PDCL: variants seen among roughly 807,000 people sequenced by gnomAD.
PDCL encodes phosducin like, also known as phosducin-like protein.
In PDCL, 11 loss-of-function variants were observed where a neutral mutation model predicts 26.7. The ratio of observed to expected loss-of-function variants is 0.41; its 90% confidence interval spans 0.26 to 0.68. PDCL has a LOEUF of 0.68. Ranked by LOEUF, PDCL falls within the 30% of genes least tolerant of loss-of-function variation. The pLI, the probability that PDCL is intolerant of heterozygous loss-of-function variation, is 0.30. For missense variants in PDCL, 330 were observed against 371.6 expected (o/e 0.89, Z 0.92); for synonymous variants, 118 against 134.9 (o/e 0.87, Z 0.87).
At position 122,820,709 on chromosome 9, in the gene PDCL, C is replaced by T. The variant is rs1372404495; in HGVS notation, c.355-73G>A. On this transcript the variant is annotated intron_variant, in intron 3 of 3. Transcript: ENST00000259467. ...GTGATAACAGTTAATATGGGCCGGG[C>T]GCGGTGGCTCACGCCTGTAATCCTA... 22 of 1,302,574 alleles carry T rather than the reference C, an allele frequency of 1.7e-5. No homozygotes were observed. In the Middle Eastern group the frequency reaches 9.0e-4, roughly 53 times the overall value. The allele number at this position is 1,302,574 out of a possible 1,614,324, so 80.7% of individuals were successfully genotyped here.
rs776865328 is a variant in PDCL, at chr9:122,823,147, C to A, written c.223G>T (p.Glu75Ter). 1.2e-6 allele frequency: 2 copies of A among 1,614,156 alleles called. No individual in the cohort carries two copies. Among genetic ancestry groups the A allele is most frequent in the South Asian group, 2.2e-5 (2 of 91,086 alleles). Reference protein sequence around the residue: ...DWRRFKQLETEQREEQCREME... With the variant: ...DWRRFKQLET ...TCCCGGCACTGCTCCTCCCTCTGCT[C>A]TGTCTCCAACTGCTTGAAGCGGCGC... is the stretch of plus-strand genomic sequence containing the variant. Residue 75 changes from glutamate (E) to a stop codon, truncating the protein, a stop_gained, in exon 3 of 4, where the codon GAG becomes TAG. Coordinates refer to ENST00000259467, the MANE Select transcript of PDCL (RefSeq NM_005388.5). LOFTEE classifies it high-confidence loss of function.
intron 2 of PDCL, among the ~76,000 whole-genome samples, chr9:122,825,745 A>T (rs1829616934): frequency 6.6e-6 from 1 of 152,104 alleles, no homozygotes; most frequent in South Asian, 2.1e-4. Context: ...AATCTCTCTT[A>T]AAATTATGAA....
rs1829530918 is a variant in PDCL, at chr9:122,819,913, T to G, written c.*172A>C. The G allele has an allele frequency of 1.9e-6, 1 of 538,080 alleles. No homozygotes were observed. The highest frequency in any genetic ancestry group is 3.2e-6 in the Non-Finnish European group (1 of 314,370). 33.3% of individuals were successfully genotyped at this position (538,080 alleles called of 1,614,324 possible). ...ATACAACTGTAAGTCACCTTATTGC[T>G]AGCTACAAGGTTATTCAGCATTCTG... is the stretch of plus-strand genomic sequence containing the variant. On this transcript the variant is annotated 3_prime_UTR_variant, in exon 4 of 4. Transcript: ENST00000259467.
In PDCL at chr9:122,818,278, A is replaced by G. The variant is rs1195105433; in HGVS notation, c.*1807T>C. On this transcript the variant is annotated 3_prime_UTR_variant, in exon 4 of 4. Transcript: ENST00000259467. ...GCGAGACTCCATCTCAAAGAAAACA[A>G]ACAAAATAAATAAATAAAAATAAAG... 2 of 152,222 alleles carry G rather than the reference A, an allele frequency of 1.3e-5. No individual in the cohort carries two copies. The highest frequency in any genetic ancestry group is 2.9e-5 in the Non-Finnish European group (2 of 68,044). The allele number at this position is 152,222 out of a possible 1,614,324, so 9.4% of individuals were successfully genotyped here. A position where few individuals can be genotyped will look rare whatever the true frequency, so the allele number is the denominator to read the frequency against.
intron 3 of PDCL, among the ~76,000 whole-genome samples, chr9:122,821,322 C>T (rs550692335): frequency 2.8e-4 from 43 of 151,692 alleles, no homozygotes; most frequent in African/African-American, 9.5e-4. Context: ...TCAGTCTTGA[C>T]AATATTTTAT....
chr9:122,824,737 T>C (rs911193251), intron 2 of PDCL, among the ~76,000 whole-genome samples: 12 of 152,260 alleles, frequency 7.9e-5, no homozygotes, highest in Non-Finnish European at 1.3e-4. Flanking sequence ...AATTAATCTA[T>C]ATATTTAATG....
At chr9:122,823,290 A>T in intron 2 of PDCL, 93 bp from the exon 3 acceptor site, 1 of 1,215,402 alleles carries the variant, frequency 8.2e-7, no homozygotes, top group Non-Finnish European at 1.2e-6. Flanking sequence ...ATCTGCCTGA[A>T]GCTTGCTCCA....
intron 1 of PDCL, among the ~76,000 whole-genome samples, chr9:122,827,525 C>G (rs1015298206): frequency 9.2e-5 from 14 of 152,136 alleles, no homozygotes; most frequent in Non-Finnish European, 1.9e-4. Flanking sequence ...ACCAGCCTGG[C>G]TAACATGGCG....
Position 122,820,582 on chromosome 9 carries a change from G to A in PDCL, c.409C>T (p.Leu137=). Residue 137 remains leucine, a synonymous_variant, in exon 4 of 4, where the codon CTG becomes TTG. Transcript: ENST00000259467. ...MNEDQDDEEF[L]QQYRKQRMEE... ...ATTCGCTGCTTCCGGTACTGCTGCA[G>A]AAACTCTTCATCATCTTGGTCCTCA... 1 of 1,613,860 alleles carries A rather than the reference G, an allele frequency of 6.2e-7. No homozygotes were observed. Among genetic ancestry groups the A allele is most frequent in the East Asian group, 2.2e-5 (1 of 44,888 alleles).
chr9:122,824,640 A>G (rs551782079), intron 2 of PDCL, among the ~76,000 whole-genome samples: 1 of 152,258 alleles, frequency 6.6e-6, no homozygotes, highest in Non-Finnish European at 1.5e-5. Flanking sequence ...CTCCCAAAAA[A>G]TACTTGAAAG....
At chr9:122,821,039 T>C (rs1398126605) in intron 3 of PDCL, among the ~76,000 whole-genome samples, 4 of 152,078 alleles carry the variant, frequency 2.6e-5, no homozygotes, top group African/African-American at 7.2e-5. Context: ...ATGTACTACA[T>C]GCTGATAATA....
chr9:122,826,226 T>C (rs2131364116), intron 2 of PDCL, among the ~76,000 whole-genome samples: 1 of 152,274 alleles, frequency 6.6e-6, no homozygotes, highest in East Asian at 1.9e-4. Flanking sequence ...GAAACACAGA[T>C]TGCTGATTAA....
intron 3 of PDCL, 87 bp from the exon 4 acceptor site, chr9:122,820,723 C>A: frequency 9.1e-7 from 1 of 1,101,162 alleles, no homozygotes. Flanking sequence ...GTGGCTCACG[C>A]CTGTAATCCT....
chr9:122,821,806 C>T (rs867927353), intron 3 of PDCL, among the ~76,000 whole-genome samples: 7 of 152,118 alleles, frequency 4.6e-5, no homozygotes, highest in East Asian at 1.9e-4. Context: ...GCTTAAGCTA[C>T]GAAAGCATCT....
chr9:122,822,366 G>C (rs774060814), intron 3 of PDCL, among the ~76,000 whole-genome samples: 2 of 150,804 alleles, frequency 1.3e-5, no homozygotes, highest in Admixed American at 6.6e-5. Flanking sequence ...GACCAGCCTG[G>C]GCAACATAGA....
chr9:122,824,061 C>T (rs77927735), intron 2 of PDCL, among the ~76,000 whole-genome samples: 154 of 152,258 alleles, frequency 1.0e-3, no homozygotes, highest in Non-Finnish European at 1.8e-3. Flanking sequence ...CATGAGCCAC[C>T]GCACCTGGCC....
At chr9:122,825,694 A>G (rs1044048982) in intron 2 of PDCL, among the ~76,000 whole-genome samples, 3 of 152,004 alleles carry the variant, frequency 2.0e-5, no homozygotes, top group Non-Finnish European at 2.9e-5. Flanking sequence ...CCCCAAGAAG[A>G]AAAAAAACAC....
In PDCL at chr9:122,818,176, G is replaced by A. The variant is rs1402190783; in HGVS notation, c.*1909C>T. 6.6e-6 allele frequency among the ~76,000 whole-genome samples: 1 copy of A among 152,210 alleles called. No homozygotes were observed. The highest frequency in any genetic ancestry group is 1.5e-5 in the Non-Finnish European group (1 of 68,042). On this transcript the variant is annotated 3_prime_UTR_variant, in exon 4 of 4. Coordinates refer to ENST00000259467, the MANE Select transcript of PDCL (RefSeq NM_005388.5). ...CCAGCTACTCAGGAGGCTGAGGCAG[G>A]AGAACTGCTTGAACCCAGGAGGTGG...
intron 1 of PDCL, among the ~76,000 whole-genome samples, 199 bp downstream of exon 1, chr9:122,828,272 G>A (rs1266362223): frequency 6.6e-6 from 1 of 152,130 alleles, no homozygotes; most frequent in Non-Finnish European, 1.5e-5. Flanking sequence ...GAAGCAGAGG[G>A]GTGTGTGGAG....
Sources: gnomAD v4.1 joint callset for allele counts (sites outside exome capture counted in the v4.1 genomes callset) on GRCh38, gnomAD v4.1.1 for gene constraint, MANE v1.5 for transcripts, NCBI Gene and HGNC (gene_info 2026-07-23, HGNC 2026-07-21) for gene names.